Variants in CC2D1B observed in about 807,000 individuals in gnomAD.
CC2D1B encodes the protein coiled-coil and C2 domain containing 1B, also known as coiled-coil and C2 domain-containing protein 1B.
A neutral mutation model predicts 110.8 loss-of-function variants in CC2D1B; 92 were observed. The ratio of observed to expected loss-of-function variants is 0.83; its 90% confidence interval spans 0.70 to 0.99. The LOEUF is 0.99. Ranked by LOEUF, CC2D1B falls within the 50% of genes least tolerant of loss-of-function variation. The pLI is 0.00. For missense variants in CC2D1B, 1,136 were observed against 1,089.0 expected, an observed-to-expected ratio of 1.04 and a Z score of -0.61; for synonymous variants, 406 against 429.2, an observed-to-expected ratio of 0.95 and a Z score of 0.67.
chr1:52,354,246 T>TATC (rs768908164), intron 23 of CC2D1B: 2 of 418,856 alleles, frequency 4.8e-6, no homozygotes, highest in South Asian at 3.8e-5. Flanking sequence ...CTACATAGGT[T>TATC]ATCAGTAAGG....
rs1396956531 is a variant in CC2D1B, at chr1:52,352,123, G to C, written c.*1102C>G. On this transcript the variant is annotated 3_prime_UTR_variant, in exon 25 of 25. Transcript: ENST00000284376. ...TTCACTTCTAACCTTTTTTAAAAGT[G>C]ATCTTGAGGAATGCTTTGTTGATCT... 2 of 152,070 alleles carry C rather than the reference G, an allele frequency of 1.3e-5. No homozygotes were observed. The highest frequency in any genetic ancestry group is 6.6e-5 in the Admixed American group (1 of 15,264). 9.4% of individuals were successfully genotyped at this position (152,070 alleles called of 1,614,324 possible). A position where few individuals can be genotyped will look rare whatever the true frequency, so the allele number is the denominator to read the frequency against.
Position 52,357,586 on chromosome 1 carries a change from G to T in CC2D1B, c.1692C>A (p.Ala564=). The T allele has an allele frequency of 6.3e-7, 1 of 1,585,976 alleles. No individual in the cohort carries two copies. Among genetic ancestry groups the T allele is most frequent in the East Asian group, 2.3e-5 (1 of 43,664 alleles). The part of the protein sequence containing the change: ...LEQAKAYLRV[A]KWLEAQIIQA... ...GGATGATCTGAGCCTCAAGCCATTT[G>T]GCTACCCGCAGATAGGCTTTGGCCT... is the stretch of plus-strand genomic sequence containing the variant. The change falls in exon 15 of 25, where the codon GCC becomes GCA. Residue 564 remains alanine, a synonymous_variant. Coordinates refer to ENST00000284376, the MANE Select transcript of CC2D1B (RefSeq NM_001330585.2).
At chr1:52,360,774 G>A in intron 5 of CC2D1B, 200 bp downstream of exon 5, 1 of 888,022 alleles carries the variant, frequency 1.1e-6, no homozygotes, top group Non-Finnish European at 1.7e-6. Context: ...CTCCCGGGGG[G>A]TAGTCTAGGA....
In CC2D1B at chr1:52,356,366, C is replaced by G; in HGVS notation, c.1937+18G>C. The G allele has an allele frequency of 6.2e-7, 1 of 1,614,198 alleles. No individual in the cohort carries two copies. Among genetic ancestry groups the G allele is most frequent in the East Asian group, 2.2e-5 (1 of 44,884 alleles). On this transcript the variant is annotated intron_variant, in intron 17 of 24. Coordinates refer to ENST00000284376, the MANE Select transcript of CC2D1B (RefSeq NM_001330585.2). ...CTGCTCCCCACCCTATGAGCCCAGC[C>G]CCAGCCCTTGCACTTACCGGGTGGT... is the stretch of plus-strand genomic sequence containing the variant.
In CC2D1B at chr1:52,350,693, T is replaced by A. The variant is rs1485067043; in HGVS notation, c.*2532A>T. The stretch of plus-strand genomic sequence containing the variant: ...ATTGAAAATTTTAAAATGATTTGGG[T>A]TGTAGCTGGCTCCCAACTGCAGGTG... On this transcript the variant is annotated 3_prime_UTR_variant, in exon 25 of 25. Coordinates refer to ENST00000284376, the MANE Select transcript of CC2D1B (RefSeq NM_001330585.2). 1 of 152,174 alleles carries A rather than the reference T, an allele frequency of 6.6e-6. No homozygotes were observed. 9.4% of individuals were successfully genotyped at this position (152,174 alleles called of 1,614,324 possible). A position where few individuals can be genotyped will look rare whatever the true frequency, so the allele number is the denominator to read the frequency against.
rs1646740622 is a variant in CC2D1B at position 52,359,846 on chromosome 1, A to AATGCCAGGGAGGCT, written c.787_800dup (p.Ser268AlafsTer13). ...CTAAGTCTGAAACGGGCTGGGCAGA[A>AATGCCAGGGAGGCT]ATGCCAGGGAGGCTGGTCTCAGGTT... is the stretch of plus-strand genomic sequence containing the variant. On this transcript the variant is annotated frameshift_variant, in exon 8 of 25. Coordinates refer to ENST00000284376, the MANE Select transcript of CC2D1B (RefSeq NM_001330585.2). LOFTEE classifies it high-confidence loss of function. The AATGCCAGGGAGGCT allele has an allele frequency of 1.9e-6, 3 of 1,612,418 alleles. No individual in the cohort carries two copies. The highest frequency in any genetic ancestry group is 2.5e-6 in the Non-Finnish European group (3 of 1,179,290).
chr1:52,361,607 G>A lies in CC2D1B; in HGVS notation c.224C>T (p.Pro75Leu). Residue 75 changes from proline (P) to leucine (L), a missense_variant, in exon 4 of 25, where the codon CCC becomes CTC. By Grantham distance (98) the Pro-to-Leu change is moderately conservative (BLOSUM62 -3). Transcript: ENST00000284376. ...CGCCAACTTCTCGATGTGGGCCATG[G>A]GCAGGGGGGCTGGGGGAAAAAGGTC... Reference protein sequence around the residue: ...KPAPKGQAPLPMAHIEKLAAD... With the variant: ...KPAPKGQAPLLMAHIEKLAAD... 6.2e-7 allele frequency: 1 copy of A among 1,613,778 alleles called. No homozygotes were observed. Among genetic ancestry groups the A allele is most frequent in the Admixed American group, 1.7e-5 (1 of 60,024 alleles).
At chr1:52,357,161 G>A in intron 15 of CC2D1B, 35 bp from the exon 16 acceptor site, 1 of 1,612,134 alleles carries the variant, frequency 6.2e-7, no homozygotes, top group Non-Finnish European at 8.5e-7. Flanking sequence ...GGCCCCAAGA[G>A]TCAGATTACT....
chr1:52,360,724 G>A, intron 5 of CC2D1B, 175 bp from the exon 6 acceptor site: 3 of 1,033,214 alleles, frequency 2.9e-6, no homozygotes, highest in Non-Finnish European at 4.1e-6. Context: ...CCATGGCAGA[G>A]GCAAATACAG....
At position 52,360,595 on chromosome 1, in the gene CC2D1B, G is replaced by C. The variant is rs549629102; in HGVS notation, c.478-46C>G. ...GGCCTGGCCACTCCAGGGCCTGCTA[G>C]GCCTACCATTCTCCCTCTGCGGAAG... On this transcript the variant is annotated intron_variant, in intron 5 of 24. Coordinates refer to ENST00000284376, the MANE Select transcript of CC2D1B (RefSeq NM_001330585.2). 4.8e-5 allele frequency: 76 copies of C among 1,590,416 alleles called. No individual in the cohort carries two copies. The South Asian group carries it at 5.2e-4, about 11-fold the overall frequency.
At chr1:52,353,780 T>G in intron 23 of CC2D1B, 133 bp from the exon 24 acceptor site, 1 of 635,030 alleles carries the variant, frequency 1.6e-6, no homozygotes, top group Non-Finnish European at 2.7e-6. Context: ...TCTCCATTCA[T>G]GAAAACCCTA....
In CC2D1B at chr1:52,352,182, A is replaced by G. The variant is rs559409203; in HGVS notation, c.*1043T>C. 2 of 152,358 alleles carry G rather than the reference A, an allele frequency of 1.3e-5. No homozygotes were observed. Among genetic ancestry groups the G allele is most frequent in the East Asian group, 3.9e-4 (2 of 5,188 alleles). The allele number at this position is 152,358 out of a possible 1,614,324, so 9.4% of individuals were successfully genotyped here. A position where few individuals can be genotyped will look rare whatever the true frequency, so the allele number is the denominator to read the frequency against. On this transcript the variant is annotated 3_prime_UTR_variant, in exon 25 of 25. Transcript: ENST00000284376. The stretch of plus-strand genomic sequence containing the variant: ...TAATTCAAAAAGGGGGTGGGGGAAG[A>G]TGGGGTATTTCTAAGAAATGCAGAA...
chr1:52,353,047 A>T lies in CC2D1B; in HGVS notation c.*178T>A. ...ACCCAGCCTGTTTCTGTAGAGCCCC[A>T]GAGGGGCCAACAACAGGAAAGACCA... On this transcript the variant is annotated 3_prime_UTR_variant, in exon 25 of 25. Transcript: ENST00000284376. The T allele has an allele frequency of 3.6e-6, 2 of 551,796 alleles. No homozygotes were observed. The highest frequency in any genetic ancestry group is 3.4e-5 in the South Asian group (2 of 58,332). The allele number at this position is 551,796 out of a possible 1,614,324, so 34.2% of individuals were successfully genotyped here. A position where few individuals can be genotyped will look rare whatever the true frequency, so the allele number is the denominator to read the frequency against.
chr1:52,362,480 A>C (rs1308320752), intron 3 of CC2D1B, 122 bp downstream of exon 3: 3 of 1,189,126 alleles, frequency 2.5e-6, no homozygotes, highest in Non-Finnish European at 3.6e-6. Context: ...GGAGTGCGGC[A>C]GATGGGTATT....
At chr1:52,363,893 C>A (rs1404569018) in intron 2 of CC2D1B, among the ~76,000 whole-genome samples, 1 of 152,136 alleles carries the variant, frequency 6.6e-6, no homozygotes, top group African/African-American at 2.4e-5. Context: ...GTTGGCCAGG[C>A]TGGTCTCAAA....
chr1:52,364,570 C>A lies in CC2D1B; in HGVS notation c.51G>T (p.Gly17=). 6.2e-7 allele frequency: 1 copy of A among 1,606,130 alleles called. No individual in the cohort carries two copies. Among genetic ancestry groups the A allele is most frequent in the Non-Finnish European group, 8.5e-7 (1 of 1,173,840 alleles). Residue 17 remains glycine (G), a synonymous_variant, in exon 2 of 25, where the codon GGG becomes GGT. Transcript: ENST00000284376. ...PRKGPQARGQ[G]VAAAKQMGLF... ...TCCATACCTGCTTGGCAGCGGCCAC[C>A]CCTTGGCCTCTGGCCTGAGGGCCCT...
chr1:52,358,197 G>A, intron 13 of CC2D1B, 134 bp downstream of exon 13: 1 of 1,303,010 alleles, frequency 7.7e-7, no homozygotes, highest in South Asian at 1.5e-5. Flanking sequence ...GTGTCCTTGG[G>A]CAAGTTTTTT....
intron 21 of CC2D1B, 67 bp from the exon 22 acceptor site, chr1:52,355,006 G>A (rs1303190528): frequency 7.5e-7 from 1 of 1,329,240 alleles, no homozygotes; most frequent in Non-Finnish European, 1.1e-6. Flanking sequence ...TGGAAATGGA[G>A]GCCCAGGGCT....
rs1331027729 is a variant in CC2D1B, at chr1:52,356,457, C to A, written c.1879-15G>T. On this transcript the variant is annotated splice_polypyrimidine_tract_variant and intron_variant, in intron 16 of 24. Coordinates refer to ENST00000284376, the MANE Select transcript of CC2D1B (RefSeq NM_001330585.2). ...AGCAGGCACTTCTGAAAATAGAGGCCCAGAGTGACTCCCGAGCCCAGAGCA... is the reference window on the plus strand; with the variant it reads ...AGCAGGCACTTCTGAAAATAGAGGCACAGAGTGACTCCCGAGCCCAGAGCA... 2 of 1,614,124 alleles carry A rather than the reference C, an allele frequency of 1.2e-6. No individual in the cohort carries two copies. The highest frequency in any genetic ancestry group is 1.7e-6 in the Non-Finnish European group (2 of 1,180,008).
Sources: allele counts gnomAD v4.1 joint callset (sites outside exome capture counted in the v4.1 genomes callset), GRCh38; gene constraint gnomAD v4.1.1; transcripts MANE v1.5; gene names NCBI Gene and HGNC (gene_info 2026-07-23, HGNC 2026-07-21).